The following CCDC88C variants were observed in gnomAD, a reference collection of about 807,000 sequenced individuals.
CCDC88C encodes protein Daple.
CCDC88C carries 131 observed loss-of-function variants against 198.8 expected under a neutral mutation model. The observed-to-expected ratio is 0.66, with a 90% confidence interval of 0.57 to 0.76. The LOEUF (loss-of-function observed/expected upper bound fraction) is 0.76. Among genes scored for constraint, CCDC88C ranks in the 30% least tolerant of loss-of-function variants. The pLI is 0.00. For synonymous variants in CCDC88C, 1,166 were observed against 1,114.7 expected (o/e 1.05, Z -0.92); for missense variants, 2,553 against 2,631.6 (o/e 0.97, Z 0.65).
In CCDC88C at chr14:91,338,451, C is replaced by T; in HGVS notation, c.891+38G>A. 1 of 1,522,706 alleles carries T rather than the reference C, an allele frequency of 6.6e-7. No homozygotes were observed. The highest frequency in any genetic ancestry group is 8.9e-7 in the Non-Finnish European group (1 of 1,120,614). The allele number at this position is 1,522,706 out of a possible 1,614,324, so 94.3% of individuals were successfully genotyped here. A position where few individuals can be genotyped will look rare whatever the true frequency, so the allele number is the denominator to read the frequency against. The stretch of plus-strand genomic sequence containing the variant: ...CCCGTTACTGGACACTCCAGCCCTG[C>T]TACCCCCAGGACACACAGGCTCAGG... On this transcript the variant is annotated intron_variant, in intron 9 of 29. Coordinates refer to ENST00000389857, the MANE Select transcript of CCDC88C (RefSeq NM_001080414.4). The surrounding 1 kb of genome is among the most constrained non-coding windows in gnomAD (Gnocchi z 4.8).
intron 3 of CCDC88C, among the ~76,000 whole-genome samples, chr14:91,398,942 G>A (rs1237026587): frequency 6.6e-6 from 1 of 152,150 alleles, no homozygotes; most frequent in Admixed American, 6.5e-5. Flanking sequence ...GGTGGGCACT[G>A]AGCCGCCCAC....
At chr14:91,332,559 C>T (rs909516190) in intron 10 of CCDC88C, among the ~76,000 whole-genome samples, 1 of 152,224 alleles carries the variant, frequency 6.6e-6, no homozygotes, top group Non-Finnish European at 1.5e-5. Flanking sequence ...ATGCGCTCTC[C>T]CTTCGGTGAT....
intron 13 of CCDC88C, among the ~76,000 whole-genome samples, chr14:91,318,238 A>G (rs1892191166): frequency 6.6e-6 from 1 of 151,630 alleles, no homozygotes; most frequent in Non-Finnish European, 1.5e-5. Context: ...TGGGCAACAT[A>G]AAGAGACCCC....
At chr14:91,358,130 G>A (rs1188571611) in intron 4 of CCDC88C, among the ~76,000 whole-genome samples, 2 of 152,202 alleles carry the variant, frequency 1.3e-5, no homozygotes, top group Admixed American at 6.5e-5. Context: ...CAAGGAAGCC[G>A]CTGCTGATGT....
At chr14:91,293,332 A>G (rs74086361) in intron 23 of CCDC88C, among the ~76,000 whole-genome samples, 8 of 4,090 alleles carry the variant, frequency 2.0e-3, no homozygotes, top group Admixed American at 5.1e-3. Flanking sequence ...TCACCTGCCA[A>G]AGCTCACCTT....
At chr14:91,382,365 G>C (rs1423901990) in intron 3 of CCDC88C, among the ~76,000 whole-genome samples, 1 of 152,164 alleles carries the variant, frequency 6.6e-6, no homozygotes, top group Non-Finnish European at 1.5e-5. Context: ...CAACATGGCG[G>C]GCCCCATGAC....
At chr14:91,395,511 C>A (rs1182647434) in intron 3 of CCDC88C, among the ~76,000 whole-genome samples, 1 of 152,158 alleles carries the variant, frequency 6.6e-6, no homozygotes, top group Non-Finnish European at 1.5e-5. Flanking sequence ...AGTGGCAGAG[C>A]TCTCATCATT....
At chr14:91,315,919 C>G (rs574519224) in intron 13 of CCDC88C, 132 bp from the exon 14 acceptor site, 1 of 870,408 alleles carries the variant, frequency 1.1e-6, no homozygotes, top group African/African-American at 1.7e-5. Flanking sequence ...CTCCTGACAT[C>G]ATTCTGTAGC....
intron 10 of CCDC88C, among the ~76,000 whole-genome samples, chr14:91,334,396 A>C (rs867221268): frequency 6.6e-6 from 1 of 151,982 alleles, no homozygotes; most frequent in Non-Finnish European, 1.5e-5. Context: ...GCTGCCTGCC[A>C]CCAGAGCCGG....
Position 91,272,581 on chromosome 14 carries a change from G to T in CCDC88C, c.*44C>A, listed in dbSNP as rs1316650075. ...GAGAAAAGGCCGTGAGAGTCGGAAG[G>T]CGCGTCAGTAGTTTTCAGGTTTGCG... On this transcript the variant is annotated 3_prime_UTR_variant, in exon 30 of 30. Transcript: ENST00000389857. The T allele has an allele frequency of 1.3e-6, 2 of 1,557,112 alleles. No individual in the cohort carries two copies. The highest frequency in any genetic ancestry group is 1.8e-5 in the Admixed American group (1 of 56,136).
intron 22 of CCDC88C, among the ~76,000 whole-genome samples, chr14:91,295,049 G>T (rs1295128517): frequency 1.3e-5 from 2 of 152,162 alleles, no homozygotes; most frequent in African/African-American, 4.8e-5. Flanking sequence ...TGAGAAAGGA[G>T]GATGGGCTCA....
At chr14:91,407,727 T>C (rs1886582073) in intron 3 of CCDC88C, among the ~76,000 whole-genome samples, 1 of 152,120 alleles carries the variant, frequency 6.6e-6, no homozygotes, top group Non-Finnish European at 1.5e-5. Flanking sequence ...CACACAGAGA[T>C]CACTAACACC....
chr14:91,333,041 C>T (rs906922878), intron 10 of CCDC88C, among the ~76,000 whole-genome samples: 3 of 152,206 alleles, frequency 2.0e-5, no homozygotes, highest in Admixed American at 6.5e-5. Context: ...TCATCTGCAA[C>T]CATATTCCTC....
intron 16 of CCDC88C, 132 bp from the exon 17 acceptor site, chr14:91,308,624 G>T: frequency 1.1e-6 from 1 of 940,208 alleles, no homozygotes; most frequent in Non-Finnish European, 1.6e-6. Context: ...TGGCCCAGAA[G>T]AACTCACGAG....
chr14:91,417,284 T>C, intron 1 of CCDC88C: 1 of 680,494 alleles, frequency 1.5e-6, no homozygotes, highest in Non-Finnish European at 2.7e-6. Flanking sequence ...TGGGGTCCTT[T>C]TCGGGAGTGG....
intron 25 of CCDC88C, 43 bp downstream of exon 25, chr14:91,289,062 A>AC: frequency 6.5e-7 from 1 of 1,529,642 alleles, no homozygotes; most frequent in East Asian, 2.3e-5. Context: ...CCTTCAGGAC[A>AC]CCCCCTTCCT....
In CCDC88C at chr14:91,273,535, G is replaced by A. The variant is rs201467365; in HGVS notation, c.5177C>T (p.Thr1726Ile). ...PAKKEGAKMPTNFVAPTVKMA... is the reference protein window; with the variant it reads ...PAKKEGAKMPINFVAPTVKMA... ...TTTGACGGTGGGGGCCACAAAGTTG[G>A]TGGGCATCTTGGCCCCTTCTTTCTT... Residue 1726 changes from threonine to isoleucine, a missense_variant, in exon 30 of 30, where the codon ACC becomes ATC. By Grantham distance (89) the Thr-to-Ile change is moderately conservative (BLOSUM62 -1). Around this residue, in one of 2 missense-constraint regions of CCDC88C, gnomAD observed 1,293 missense variants for 1,219.6 expected, o/e 1.06. Coordinates refer to ENST00000389857, the MANE Select transcript of CCDC88C (RefSeq NM_001080414.4). The surrounding 1 kb of genome is among the most constrained non-coding windows in gnomAD (Gnocchi z 5.6). 118 of 1,524,394 alleles carry A rather than the reference G, an allele frequency of 7.7e-5. No homozygotes were observed. The highest frequency in any genetic ancestry group is 1.0e-4 in the Non-Finnish European group (115 of 1,135,128). The allele number at this position is 1,524,394 out of a possible 1,614,324, so 94.4% of individuals were successfully genotyped here.
chr14:91,329,408 G>A (rs1892716602), intron 10 of CCDC88C, among the ~76,000 whole-genome samples: 1 of 152,204 alleles, frequency 6.6e-6, no homozygotes, highest in Admixed American at 6.5e-5. Flanking sequence ...TGACATGTCA[G>A]CCCTAACGTG....
At chr14:91,277,826 C>T (rs1317760393) in intron 29 of CCDC88C, 96 bp downstream of exon 29, 3 of 1,374,966 alleles carry the variant, frequency 2.2e-6, no homozygotes, top group Non-Finnish European at 2.9e-6. Context: ...CTAGGCCACG[C>T]CACCCCCACC....
Sources: allele counts gnomAD v4.1 joint callset (sites outside exome capture counted in the v4.1 genomes callset), GRCh38; gene constraint gnomAD v4.1.1; regional missense constraint gnomAD v4.1.1; non-coding constraint Gnocchi (gnomAD v3.1); transcripts MANE v1.5; gene names NCBI Gene and HGNC (gene_info 2026-07-23, HGNC 2026-07-21).